The following RBMS1 variants were observed in gnomAD, a reference collection of about 807,000 sequenced individuals.
The protein encoded by RBMS1 is RNA-binding motif, single-stranded-interacting protein 1.
In RBMS1, 17 loss-of-function variants were observed where a neutral mutation model predicts 62.3. The observed-to-expected ratio is 0.27, with a 90% CI of 0.19 to 0.41. The LOEUF (loss-of-function observed/expected upper bound fraction) is 0.41, where lower values mean the gene tolerates loss of function less well. Ranked by LOEUF, RBMS1 falls within the 10% of genes least tolerant of loss-of-function variation. RBMS1 has a pLI of 1.00. For missense variants in RBMS1, 334 were observed against 504.5 expected (o/e 0.66, Z 3.24); for synonymous variants, 172 against 170.0 (o/e 1.01, Z -0.09).
chr2:160,474,459 G>A (rs1016033278), intron 1 of RBMS1, among the ~76,000 whole-genome samples: 4 of 152,032 alleles, frequency 2.6e-5, no homozygotes, highest in African/African-American at 4.8e-5. Context: ...GGGATTTTGC[G>A]GTTGTTCTTT....
chr2:160,378,129 G>C (rs1176258287), intron 1 of RBMS1, among the ~76,000 whole-genome samples: 5 of 141,154 alleles, frequency 3.5e-5, no homozygotes, highest in Non-Finnish European at 7.7e-5. Context: ...TAGATATCCA[G>C]TTGCTTGCTT....
chr2:160,460,777 C>T (rs989262700), intron 1 of RBMS1, among the ~76,000 whole-genome samples: 23 of 152,162 alleles, frequency 1.5e-4, no homozygotes, highest in Admixed American at 9.2e-4. Context: ...TATTGAATGG[C>T]GAGGTAGAAG....
chr2:160,425,795 G>A (rs1311622371), intron 1 of RBMS1, among the ~76,000 whole-genome samples: 2 of 152,166 alleles, frequency 1.3e-5, no homozygotes, highest in East Asian at 3.8e-4. Context: ...CTAGGAGGCT[G>A]CTTTCTCAGG....
chr2:160,304,255 G>A (rs1007715253), intron 4 of RBMS1, among the ~76,000 whole-genome samples: 3 of 152,114 alleles, frequency 2.0e-5, no homozygotes, highest in African/African-American at 7.2e-5. Flanking sequence ...TCCTACTTAA[G>A]CAGTGCTAAA....
At chr2:160,348,134 A>G (rs1692289455) in intron 2 of RBMS1, among the ~76,000 whole-genome samples, 1 of 152,226 alleles carries the variant, frequency 6.6e-6, no homozygotes, top group South Asian at 2.1e-4. Context: ...ACATAGTGAG[A>G]AAGTAAACCA....
At chr2:160,285,755 T>TAAAC (rs1428463035) in intron 7 of RBMS1, among the ~76,000 whole-genome samples, 2 of 151,864 alleles carry the variant, frequency 1.3e-5, no homozygotes, top group Non-Finnish European at 2.9e-5. Flanking sequence ...ATTATAAATA[T>TAAAC]AAACCCCTCT....
intron 1 of RBMS1, among the ~76,000 whole-genome samples, chr2:160,461,346 T>C (rs2105332304): frequency 6.6e-6 from 1 of 152,216 alleles, no homozygotes; most frequent in East Asian, 1.9e-4. Flanking sequence ...AAATCAATAA[T>C]AATTCTCTGA....
intron 1 of RBMS1, among the ~76,000 whole-genome samples, chr2:160,379,167 A>G (rs149355074): frequency 6.9e-4 from 105 of 152,190 alleles, no homozygotes; most frequent in Non-Finnish European, 1.3e-3. Context: ...TGCAGTGATC[A>G]GAGTGTGCAC....
chr2:160,318,253 G>GAAAAAAAAAAAAAAAAAAAAAAAAA, intron 2 of RBMS1, 26 bp from the exon 3 acceptor site: 1 of 1,167,712 alleles, frequency 8.6e-7, no homozygotes, highest in Non-Finnish European at 1.1e-6. Context: ...AAAAAAAAAA[G>GAAAAAAAAAAAAAAAAAAAAAAAAA]GAAAAAAAGA....
rs756456331 is a variant in RBMS1 at position 160,367,245 on chromosome 2, G to A, written c.222C>T (p.Thr74=). The A allele has an allele frequency of 1.5e-5, 24 of 1,613,668 alleles. No homozygotes were observed. The Admixed American group carries it at 2.5e-4, about 17-fold the overall frequency. ...GACAGAGCTTCACCAGGTCCTGGTC[G>A]GTGGTGTGGGGAGGCAGTCCTCGGA... ...LYIRGLPPHT[T]DQDLVKLCQP... The change falls in exon 2 of 14, where the codon ACC becomes ACT. Residue 74 remains threonine, a synonymous_variant. Coordinates refer to ENST00000348849, the MANE Select transcript of RBMS1 (RefSeq NM_016836.4).
intron 6 of RBMS1, among the ~76,000 whole-genome samples, chr2:160,298,194 A>T (rs1260362259): frequency 1.3e-5 from 2 of 152,204 alleles, no homozygotes; most frequent in Non-Finnish European, 2.9e-5. Flanking sequence ...TACAAAGCAC[A>T]GGGGAGGTAG....
intron 1 of RBMS1, chr2:160,407,628 G>C (rs1037150470): frequency 8.1e-6 from 8 of 981,632 alleles, no homozygotes; most frequent in Non-Finnish European, 9.7e-6. Context: ...GGCCGGGCCC[G>C]GGGCCGCGGC....
intron 6 of RBMS1, among the ~76,000 whole-genome samples, chr2:160,293,715 CAG>C (rs1246371889): frequency 6.6e-6 from 1 of 152,136 alleles, no homozygotes; most frequent in African/African-American, 2.4e-5. Flanking sequence ...TGCAGGGAGT[CAG>C]GGCGCCAGAG....
At chr2:160,332,587 GC>G (rs1691341730) in intron 2 of RBMS1, among the ~76,000 whole-genome samples, 1 of 152,096 alleles carries the variant, frequency 6.6e-6, no homozygotes, top group South Asian at 2.1e-4. Context: ...CCCCTCCACT[GC>G]CCTGACTTCC....
chr2:160,435,481 G>A (rs1188769338), intron 1 of RBMS1, among the ~76,000 whole-genome samples: 1 of 152,172 alleles, frequency 6.6e-6, no homozygotes, highest in Non-Finnish European at 1.5e-5. Flanking sequence ...TTTCTTCAGA[G>A]TATTTAATAA....
chr2:160,344,139 A>G (rs923774661), intron 2 of RBMS1, among the ~76,000 whole-genome samples: 6 of 152,126 alleles, frequency 3.9e-5, no homozygotes, highest in African/African-American at 7.2e-5. Context: ...CCTGAAAGTT[A>G]TATTTTTTAA....
intron 1 of RBMS1, among the ~76,000 whole-genome samples, chr2:160,450,972 T>A (rs1229934277): frequency 2.0e-5 from 3 of 151,990 alleles, no homozygotes; most frequent in Non-Finnish European, 4.4e-5. Context: ...GAGGGCAACA[T>A]AGTGAGACCC....
chr2:160,484,473 C>A (rs757437871), intron 1 of RBMS1, among the ~76,000 whole-genome samples: 1 of 150,942 alleles, frequency 6.6e-6, no homozygotes, highest in African/African-American at 2.4e-5. Flanking sequence ...CCAGCCTGGG[C>A]GACAGAGCGA....
intron 1 of RBMS1, among the ~76,000 whole-genome samples, chr2:160,449,531 AC>A (rs1295652618): frequency 6.6e-6 from 1 of 152,066 alleles, no homozygotes; most frequent in East Asian, 1.9e-4. Context: ...CTTACCCCCA[AC>A]CCCGTGCTCT....
Sources: allele counts gnomAD v4.1 joint callset (sites outside exome capture counted in the v4.1 genomes callset), GRCh38; gene constraint gnomAD v4.1.1; transcripts MANE v1.5; gene names NCBI Gene and HGNC (gene_info 2026-07-23, HGNC 2026-07-21).